PCDHGA12: variants seen among roughly 807,000 people sequenced by gnomAD.
The protein encoded by PCDHGA12 is protocadherin gamma-A12.
A neutral mutation model predicts 61.1 loss-of-function variants in PCDHGA12; 43 were observed. The observed-to-expected ratio is 0.70, with a 90% CI of 0.55 to 0.91. PCDHGA12 has a LOEUF of 0.91. PCDHGA12 is among the 40% of genes least tolerant of loss of function. The probability of loss-of-function intolerance (pLI) is 0.00; values close to 1 mark genes in which losing one functional copy is unlikely to be tolerated. For synonymous variants in PCDHGA12, 520 were observed against 542.9 expected, an observed-to-expected ratio of 0.96 and a Z score of 0.59; for missense variants, 1,236 against 1,227.7, an observed-to-expected ratio of 1.01 and a Z score of -0.10.
At chr5:141,446,093 GA>G (rs1217618203) in intron 1 of PCDHGA12, among the ~76,000 whole-genome samples, 1 of 152,118 alleles carries the variant, frequency 6.6e-6, no homozygotes, top group Admixed American at 6.5e-5. Flanking sequence ...ATAAATGGAT[GA>G]ATTATAGATA....
chr5:141,486,901 T>A lies in PCDHGA12; in HGVS notation c.2425-7906T>A. The A allele has an allele frequency of 6.2e-7, 1 of 1,614,238 alleles. No homozygotes were observed. Among genetic ancestry groups the A allele is most frequent in the Non-Finnish European group, 8.5e-7 (1 of 1,180,042 alleles). ...CTCGGGCCCGGCCTGGTTCCTTATG[T>A]CCCCAAGCACTGCCTCCATCAGTTG... On this transcript the variant is annotated intron_variant, in intron 1 of 3. Transcript: ENST00000252085. This position sits in a 1 kb window ranked among gnomAD's most constrained non-coding sequence, Gnocchi z 5.0.
chr5:141,438,638 A>G (rs1192725978), intron 1 of PCDHGA12, among the ~76,000 whole-genome samples: 1 of 22,806 alleles, frequency 4.4e-5, no homozygotes, highest in East Asian at 1.6e-3. Flanking sequence ...ATATATATAC[A>G]CACACACACA....
At chr5:141,449,215 T>C (rs2098631967) in intron 1 of PCDHGA12, among the ~76,000 whole-genome samples, 2 of 152,170 alleles carry the variant, frequency 1.3e-5, no homozygotes, top group Non-Finnish European at 2.9e-5. Context: ...ACTTTCTGTT[T>C]TGAAATGATT....
In PCDHGA12 at chr5:141,486,143, G is replaced by T; in HGVS notation, c.2425-8664G>T. On this transcript the variant is annotated intron_variant, in intron 1 of 3. Coordinates refer to ENST00000252085, the MANE Select transcript of PCDHGA12 (RefSeq NM_003735.3). This position sits in a 1 kb window ranked among gnomAD's most constrained non-coding sequence, Gnocchi z 5.0. ...CTATGAATTTGATGTGCGGGCTCGC[G>T]ATGGGGGTTCTCCAGCCATGGAGCA... 6.2e-7 allele frequency: 1 copy of T among 1,614,198 alleles called. No homozygotes were observed. Among genetic ancestry groups the T allele is most frequent in the Non-Finnish European group, 8.5e-7 (1 of 1,180,030 alleles).
In PCDHGA12 at chr5:141,511,308, G is replaced by A. The variant is rs76613492; in HGVS notation, c.*135G>A. ...AGGGGCCAAGGCCATGCTCCCCTTG[G>A]GAAACAGAAACAAGTGCCCAGTCAG... is the stretch of plus-strand genomic sequence containing the variant. On this transcript the variant is annotated 3_prime_UTR_variant, in exon 4 of 4. Coordinates refer to ENST00000252085, the MANE Select transcript of PCDHGA12 (RefSeq NM_003735.3). 1.1e-3 allele frequency: 1,589 copies of A among 1,487,716 alleles called. 16 individuals carry two copies. In the African/African-American group the frequency reaches 0.021, roughly 19 times the overall value. The allele number at this position is 1,487,716 out of a possible 1,614,324, so 92.2% of individuals were successfully genotyped here.
chr5:141,437,223 C>G (rs555637738), intron 1 of PCDHGA12, among the ~76,000 whole-genome samples: 1 of 152,198 alleles, frequency 6.6e-6, no homozygotes, highest in Admixed American at 6.5e-5. Context: ...TGATTCCAGT[C>G]ATAAAATTAT....
chr5:141,467,923 T>C lies in PCDHGA12; in HGVS notation c.2425-26884T>C, dbSNP rs190816380. Among the ~76,000 whole-genome samples the C allele has an allele frequency of 3.9e-3, 588 of 151,590 alleles. 5 individuals carry two copies. Among genetic ancestry groups the C allele is most frequent in the Admixed American group, 0.011 (168 of 15,214 alleles). ...ATCCGCCCACCTCAGCCTCCCAAAA[T>C]GCTAGGATTACAAGCATGAGCCACC... On this transcript the variant is annotated intron_variant, in intron 1 of 3. Coordinates refer to ENST00000252085, the MANE Select transcript of PCDHGA12 (RefSeq NM_003735.3).
Position 141,511,410 on chromosome 5 carries a change from T to TA in PCDHGA12, c.*238dup. On this transcript the variant is annotated 3_prime_UTR_variant, in exon 4 of 4. Coordinates refer to ENST00000252085, the MANE Select transcript of PCDHGA12 (RefSeq NM_003735.3). ...GGAACCCCCATCCAATCAACTGCTG[T>TA]ACCCATGGGGGTAGTGGGGTTACTG... The TA allele has an allele frequency of 1.1e-6, 1 of 908,822 alleles. No homozygotes were observed. The highest frequency in any genetic ancestry group is 1.6e-6 in the Non-Finnish European group (1 of 624,204). 56.3% of individuals were successfully genotyped at this position (908,822 alleles called of 1,614,324 possible).
chr5:141,469,394 G>A lies in PCDHGA12; in HGVS notation c.2425-25413G>A, dbSNP rs550152670. Among the ~76,000 whole-genome samples the A allele has an allele frequency of 2.5e-4, 38 of 152,198 alleles. 1 individual carries two copies. The highest frequency in any genetic ancestry group is 8.4e-4 in the African/African-American group (35 of 41,514). On this transcript the variant is annotated intron_variant, in intron 1 of 3. Coordinates refer to ENST00000252085, the MANE Select transcript of PCDHGA12 (RefSeq NM_003735.3). ...GATCGAGACCATCCTGGCCAACATG[G>A]TGAAACCCCGTTTCTACTAAAAATA...
At chr5:141,468,382 G>T (rs1247387630) in intron 1 of PCDHGA12, 1 of 151,194 alleles carries the variant, frequency 6.6e-6, no homozygotes, top group Non-Finnish European at 1.5e-5. Context: ...GCCATACAAG[G>T]CTACCCATTT....
Position 141,432,097 on chromosome 5 carries a change from C to A in PCDHGA12, c.1338C>A (p.Asn446Lys). The A allele has an allele frequency of 1.9e-6, 3 of 1,614,184 alleles. No individual in the cohort carries two copies. Among genetic ancestry groups the A allele is most frequent in the Non-Finnish European group, 1.7e-6 (2 of 1,180,034 alleles). The change falls in exon 1 of 4, where the codon AAC becomes AAA. Residue 446 changes from asparagine to lysine, a missense_variant. Asn to Lys is a moderately conservative substitution (Grantham distance 94). Transcript: ENST00000252085. This position sits in a 1 kb window ranked among gnomAD's most constrained non-coding sequence, Gnocchi z 6.0. ...THISLNVADT[N>K]DNPPVFPQAS... ...TCTCGCTGAACGTGGCAGACACCAA[C>A]GACAACCCGCCGGTCTTCCCTCAGG...
chr5:141,492,632 C>G (rs1359761285), intron 1 of PCDHGA12, among the ~76,000 whole-genome samples: 1 of 152,256 alleles, frequency 6.6e-6, no homozygotes, highest in Non-Finnish European at 1.5e-5. Flanking sequence ...CAGGACTCTA[C>G]GATCCTTGGG....
intron 1 of PCDHGA12, among the ~76,000 whole-genome samples, chr5:141,475,567 A>G (rs1260546062): frequency 6.6e-6 from 1 of 152,244 alleles, no homozygotes; most frequent in African/African-American, 2.4e-5. Flanking sequence ...CTGTCTTCCA[A>G]CAAGCCAGAT....
At chr5:141,471,926 G>T (rs2099266798) in intron 1 of PCDHGA12, among the ~76,000 whole-genome samples, 1 of 152,110 alleles carries the variant, frequency 6.6e-6, no homozygotes, top group African/African-American at 2.4e-5. Flanking sequence ...AATTTTGGGG[G>T]TGATGAGAGT....
chr5:141,499,029 A>AAGGAAGGAAGG lies in PCDHGA12; in HGVS notation c.2483+4165_2483+4166insGGAAGGAAGGA, dbSNP rs1562187768. ...GGAAGGAAGGAAGGAAGGAAGGAAG[A>AAGGAAGGAAGG]AAAGAAAGAAAAAGGGAGAAAAAAT... On this transcript the variant is annotated intron_variant, in intron 2 of 3. Transcript: ENST00000252085. 4.1e-4 allele frequency among the ~76,000 whole-genome samples: 57 copies of AAGGAAGGAAGG among 140,074 alleles called. 2 individuals are homozygous for AAGGAAGGAAGG. Among genetic ancestry groups the AAGGAAGGAAGG allele is most frequent in the African/African-American group, 1.4e-3 (52 of 36,074 alleles). 91.9% of individuals were successfully genotyped at this position (140,074 alleles called of 152,430 possible).
chr5:141,460,454 T>A (rs1010186960), intron 1 of PCDHGA12, among the ~76,000 whole-genome samples: 6 of 152,194 alleles, frequency 3.9e-5, no homozygotes, highest in Admixed American at 3.3e-4. Flanking sequence ...TGAAGATTCA[T>A]ATTTTTTTCC....
chr5:141,450,006 C>CTTTT (rs1554136305), intron 1 of PCDHGA12, among the ~76,000 whole-genome samples: 4 of 132,984 alleles, frequency 3.0e-5, no homozygotes, highest in South Asian at 2.3e-4. Flanking sequence ...TGCCATGTCT[C>CTTTT]TTTTTTTTTT....
At chr5:141,467,361 G>T (rs555435172) in intron 1 of PCDHGA12, among the ~76,000 whole-genome samples, 2 of 151,742 alleles carry the variant, frequency 1.3e-5, no homozygotes, top group Non-Finnish European at 2.9e-5. Flanking sequence ...CCAAATCAAC[G>T]TTTTCTTATA....
At position 141,487,249 on chromosome 5, in the gene PCDHGA12, C is replaced by T. The variant is rs757148469; in HGVS notation, c.2425-7558C>T. ...AAGGAGAATCTCGTCTAACCCTCTACTTGGCTGTGTCCCTAGTGGCAATTT... is the reference window on the plus strand; with the variant it reads ...AAGGAGAATCTCGTCTAACCCTCTATTTGGCTGTGTCCCTAGTGGCAATTT... On this transcript the variant is annotated intron_variant, in intron 1 of 3. Coordinates refer to ENST00000252085, the MANE Select transcript of PCDHGA12 (RefSeq NM_003735.3). The surrounding 1 kb of genome is among the most constrained non-coding windows in gnomAD (Gnocchi z 5.0). 2.5e-6 allele frequency: 4 copies of T among 1,614,164 alleles called. No homozygotes were observed. In the South Asian group the frequency reaches 4.4e-5, roughly 18 times the overall value.
Sources: gnomAD v4.1 joint callset for allele counts (sites outside exome capture counted in the v4.1 genomes callset) on GRCh38, gnomAD v4.1.1 for gene constraint, Gnocchi (gnomAD v3.1) non-coding constraint, MANE v1.5 for transcripts, NCBI Gene and HGNC (gene_info 2026-07-23, HGNC 2026-07-21) for gene names.